The following SSBP2 variants were observed in gnomAD, a reference collection of about 807,000 sequenced individuals.
SSBP2 encodes single-stranded DNA-binding protein 2.
Under a neutral mutation model 61.8 loss-of-function variants are expected in SSBP2, and 17 were observed. That is an observed-to-expected ratio of 0.28 (90% confidence interval 0.19 to 0.41). The LOEUF (loss-of-function observed/expected upper bound fraction) is 0.41, where lower values mean the gene tolerates loss of function less well. SSBP2 is among the 10% of genes least tolerant of loss of function. The probability of loss-of-function intolerance (pLI) is 1.00; values close to 1 mark genes in which losing one functional copy is unlikely to be tolerated. For missense variants in SSBP2, 310 were observed against 458.7 expected, an observed-to-expected ratio of 0.68 and a Z score of 2.96; for synonymous variants, 139 against 141.3, an observed-to-expected ratio of 0.98 and a Z score of 0.12.
intron 1 of SSBP2, among the ~76,000 whole-genome samples, chr5:81,750,520 G>A (rs1173097193): frequency 8.3e-6 from 1 of 121,062 alleles, no homozygotes; most frequent in Non-Finnish European, 1.7e-5. Context: ...CGCGCTGCCC[G>A]CCCCGACCCC....
chr5:81,447,674 C>T (rs765065324), intron 11 of SSBP2, among the ~76,000 whole-genome samples: 6 of 152,084 alleles, frequency 3.9e-5, no homozygotes, highest in Non-Finnish European at 5.9e-5. Flanking sequence ...TTATTTCAGA[C>T]GAGATCGGGC....
intron 1 of SSBP2, among the ~76,000 whole-genome samples, chr5:81,663,070 A>G (rs992042339): frequency 2.0e-5 from 3 of 152,200 alleles, no homozygotes; most frequent in Non-Finnish European, 4.4e-5. Context: ...AATTCTTTCT[A>G]TGGTCTAGTT....
At chr5:81,562,724 A>G (rs1057358728) in intron 4 of SSBP2, among the ~76,000 whole-genome samples, 1 of 152,212 alleles carries the variant, frequency 6.6e-6, no homozygotes, top group Non-Finnish European at 1.5e-5. Context: ...TTAACAAGGT[A>G]GAAAACCAGT....
At chr5:81,681,927 T>C (rs976547323) in intron 1 of SSBP2, among the ~76,000 whole-genome samples, 2 of 152,198 alleles carry the variant, frequency 1.3e-5, no homozygotes, top group South Asian at 2.1e-4. Flanking sequence ...ATAAATACTA[T>C]GAACACCTCT....
intron 1 of SSBP2, among the ~76,000 whole-genome samples, chr5:81,671,642 T>G (rs1304718458): frequency 6.6e-6 from 1 of 152,164 alleles, no homozygotes; most frequent in Non-Finnish European, 1.5e-5. Context: ...TTAGTAAGCT[T>G]CTATTAATGT....
intron 14 of SSBP2, among the ~76,000 whole-genome samples, chr5:81,439,028 T>C (rs554519441): frequency 1.2e-4 from 18 of 152,220 alleles, no homozygotes; most frequent in Non-Finnish European, 1.9e-4. Flanking sequence ...ATCAAGACTT[T>C]GCAATCTAGG....
chr5:81,529,551 C>T (rs752895227), intron 4 of SSBP2, among the ~76,000 whole-genome samples: 6 of 152,058 alleles, frequency 3.9e-5, no homozygotes, highest in African/African-American at 1.2e-4. Context: ...GGTCAGAACA[C>T]AGCTTATTGT....
intron 5 of SSBP2, among the ~76,000 whole-genome samples, chr5:81,509,136 T>C (rs928825310): frequency 7.9e-5 from 12 of 152,220 alleles, no homozygotes; most frequent in Admixed American, 4.6e-4. Flanking sequence ...TTCCCTAATA[T>C]CCAAGTCTGG....
intron 1 of SSBP2, among the ~76,000 whole-genome samples, chr5:81,691,455 C>A (rs1753194210): frequency 6.6e-6 from 1 of 151,678 alleles, no homozygotes; most frequent in South Asian, 2.1e-4. Context: ...ATTGGAAAAC[C>A]TAGAAATGGC....
intron 1 of SSBP2, among the ~76,000 whole-genome samples, chr5:81,730,060 T>C (rs886085168): frequency 2.6e-5 from 4 of 152,138 alleles, no homozygotes; most frequent in Non-Finnish European, 2.9e-5. Flanking sequence ...TTGACAGGTA[T>C]TGGAGAAAGG....
At chr5:81,675,979 T>C (rs900944438) in intron 1 of SSBP2, among the ~76,000 whole-genome samples, 1 of 152,160 alleles carries the variant, frequency 6.6e-6, no homozygotes, top group African/African-American at 2.4e-5. Context: ...CAGCCAATCT[T>C]TGCACTACTA....
intron 4 of SSBP2, among the ~76,000 whole-genome samples, chr5:81,540,388 A>G (rs1771168045): frequency 6.6e-6 from 1 of 152,154 alleles, no homozygotes; most frequent in Non-Finnish European, 1.5e-5. Flanking sequence ...ATTTCTCCAC[A>G]TCCTCTCCAG....
chr5:81,490,365 T>C (rs902745291), intron 5 of SSBP2, among the ~76,000 whole-genome samples: 4 of 152,192 alleles, frequency 2.6e-5, no homozygotes, highest in Middle Eastern at 3.4e-3. Flanking sequence ...TTTATTTTTC[T>C]AGAAACAACA....
chr5:81,476,155 C>T (rs1271216866), intron 6 of SSBP2, among the ~76,000 whole-genome samples: 2 of 151,890 alleles, frequency 1.3e-5, no homozygotes, highest in Non-Finnish European at 2.9e-5. Flanking sequence ...GACATGATAC[C>T]TCATTACCCC....
intron 1 of SSBP2, among the ~76,000 whole-genome samples, chr5:81,677,630 T>C (rs1267687867): frequency 2.6e-5 from 4 of 152,082 alleles, no homozygotes; most frequent in Non-Finnish European, 5.9e-5. Context: ...AAAAATACCC[T>C]AATGCCTCTA....
chr5:81,452,062 GA>G (rs1371468116), intron 10 of SSBP2, among the ~76,000 whole-genome samples: 1 of 111,622 alleles, frequency 9.0e-6, no homozygotes, highest in Non-Finnish European at 1.6e-5. Context: ...CCATCAGAAA[GA>G]CAAAGAGAAG....
intron 1 of SSBP2, among the ~76,000 whole-genome samples, chr5:81,704,572 T>G (rs1397523313): frequency 1.3e-5 from 2 of 151,986 alleles, no homozygotes; most frequent in Non-Finnish European, 2.9e-5. Context: ...CCAAGGCAGG[T>G]GGATCACCAG....
intron 1 of SSBP2, among the ~76,000 whole-genome samples, chr5:81,693,060 C>A (rs1364862458): frequency 6.6e-6 from 1 of 151,874 alleles, no homozygotes; most frequent in Non-Finnish European, 1.5e-5. Flanking sequence ...AAAAAATTAT[C>A]CAGACATGGT....
intron 1 of SSBP2, among the ~76,000 whole-genome samples, chr5:81,664,978 T>C (rs1251251677): frequency 6.6e-6 from 1 of 152,196 alleles, no homozygotes; most frequent in Non-Finnish European, 1.5e-5. Flanking sequence ...TGTAGTACAG[T>C]TTGATGCCAA....
Sources: allele counts gnomAD v4.1 joint callset (sites outside exome capture counted in the v4.1 genomes callset), GRCh38; gene constraint gnomAD v4.1.1; transcripts MANE v1.5; gene names NCBI Gene and HGNC (gene_info 2026-07-23, HGNC 2026-07-21).